TNRC6A: variants seen among roughly 807,000 people sequenced by gnomAD.
The protein encoded by TNRC6A is trinucleotide repeat containing adaptor 6A.
TNRC6A carries 44 observed loss-of-function variants against 221.2 expected under a neutral mutation model. The ratio of observed to expected loss-of-function variants is 0.20; its 90% CI spans 0.16 to 0.26. The LOEUF (loss-of-function observed/expected upper bound fraction) is 0.26. Ranked by LOEUF, TNRC6A falls within the 10% of genes least tolerant of loss-of-function variation. The pLI, the probability that TNRC6A is intolerant of heterozygous loss-of-function variation, is 1.00. For missense variants in TNRC6A, 2,199 were observed against 2,404.4 expected, an observed-to-expected ratio of 0.91 and a Z score of 1.79; for synonymous variants, 847 against 838.5, an observed-to-expected ratio of 1.01 and a Z score of -0.18.
chr16:24,632,126 C>T (rs1160400561), intron 1 of TNRC6A, among the ~76,000 whole-genome samples: 1 of 152,164 alleles, frequency 6.6e-6, no homozygotes, highest in Non-Finnish European at 1.5e-5. Context: ...GCTGGGATTA[C>T]AGGTGTGAGC....
intron 2 of TNRC6A, among the ~76,000 whole-genome samples, chr16:24,642,475 G>T (rs184704638): frequency 6.6e-6 from 1 of 152,248 alleles, no homozygotes; most frequent in African/African-American, 2.4e-5. Context: ...AAAGGCACAG[G>T]AGGGGAAAAG....
chr16:24,808,285 A>AG (rs2058475083), intron 17 of TNRC6A, among the ~76,000 whole-genome samples: 1 of 152,226 alleles, frequency 6.6e-6, no homozygotes, highest in South Asian at 2.1e-4. Flanking sequence ...CTTCTCAGTG[A>AG]GGGATACTTC....
chr16:24,658,114 GA>G (rs2054956570), intron 2 of TNRC6A, among the ~76,000 whole-genome samples: 1 of 152,152 alleles, frequency 6.6e-6, no homozygotes, highest in Admixed American at 6.6e-5. Flanking sequence ...TGGCTATTTG[GA>G]AGACTTTATC....
intron 4 of TNRC6A, among the ~76,000 whole-genome samples, chr16:24,769,060 T>C (rs1291621146): frequency 6.6e-6 from 1 of 152,222 alleles, no homozygotes; most frequent in Non-Finnish European, 1.5e-5. Context: ...ATTAAAATGG[T>C]ATTACAAATT....
chr16:24,669,320 C>T (rs1479812309), intron 2 of TNRC6A, among the ~76,000 whole-genome samples: 2 of 152,000 alleles, frequency 1.3e-5, no homozygotes, highest in Non-Finnish European at 2.9e-5. Context: ...GCAACATAGT[C>T]TCTACAAAAA....
chr16:24,767,784 T>C (rs984888526), intron 4 of TNRC6A, among the ~76,000 whole-genome samples: 1 of 152,184 alleles, frequency 6.6e-6, no homozygotes, highest in Non-Finnish European at 1.5e-5. Context: ...TTAATGACAG[T>C]TTCTTTATTA....
At chr16:24,706,378 G>A (rs1239702706) in intron 2 of TNRC6A, among the ~76,000 whole-genome samples, 2 of 152,090 alleles carry the variant, frequency 1.3e-5, no homozygotes, top group African/African-American at 4.8e-5. Context: ...ACCCTCCTAG[G>A]TATTGAAGCA....
chr16:24,683,689 G>A (rs2055575606), intron 2 of TNRC6A, among the ~76,000 whole-genome samples: 1 of 152,182 alleles, frequency 6.6e-6, no homozygotes. Context: ...GACTAGCTGT[G>A]CAACCTTGGG....
At chr16:24,658,338 CCTCCACT>C (rs1454767499) in intron 2 of TNRC6A, among the ~76,000 whole-genome samples, 1 of 152,056 alleles carries the variant, frequency 6.6e-6, no homozygotes, top group Non-Finnish European at 1.5e-5. Context: ...TATGATATTT[CCTCCACT>C]CTGTTTCTTT....
At chr16:24,815,455 T>A in intron 19 of TNRC6A, 150 bp downstream of exon 19, 1 of 920,160 alleles carries the variant, frequency 1.1e-6, no homozygotes, top group Non-Finnish European at 1.7e-6. Flanking sequence ...GAGGAAAAGT[T>A]AAGCATGAAG....
At chr16:24,695,790 T>C (rs1182691644) in intron 2 of TNRC6A, among the ~76,000 whole-genome samples, 1 of 152,148 alleles carries the variant, frequency 6.6e-6, no homozygotes, top group African/African-American at 2.4e-5. Flanking sequence ...AAACACGGGA[T>C]TGAGTCTTTT....
chr16:24,693,535 C>T (rs536016612), intron 2 of TNRC6A, among the ~76,000 whole-genome samples: 140 of 152,206 alleles, frequency 9.2e-4, no homozygotes, highest in African/African-American at 3.2e-3. Flanking sequence ...TTGCAGTGAG[C>T]CGAGATCGCG....
At chr16:24,814,846 T>C (rs936588427) in intron 18 of TNRC6A, among the ~76,000 whole-genome samples, 2 of 152,250 alleles carry the variant, frequency 1.3e-5, no homozygotes, top group African/African-American at 4.8e-5. Flanking sequence ...AAAGAACCCC[T>C]GAGCTATCAT....
intron 6 of TNRC6A, 130 bp from the exon 7 acceptor site, chr16:24,793,343 C>A: frequency 2.0e-6 from 1 of 507,794 alleles, no homozygotes; most frequent in Non-Finnish European, 3.3e-6. Flanking sequence ...TTGCCTATCA[C>A]AGTATCATTA....
intron 17 of TNRC6A, among the ~76,000 whole-genome samples, chr16:24,807,214 G>T (rs2058452802): frequency 6.6e-6 from 1 of 152,014 alleles, no homozygotes; most frequent in African/African-American, 2.4e-5. Context: ...CATGTTGGCC[G>T]GGTGGGTCTG....
chr16:24,688,253 T>C (rs1171422419), intron 2 of TNRC6A, among the ~76,000 whole-genome samples: 1 of 152,088 alleles, frequency 6.6e-6, no homozygotes, highest in Non-Finnish European at 1.5e-5. Context: ...CATGCTTCTT[T>C]TCTTAGCTAG....
At position 24,795,835 on chromosome 16, in the gene TNRC6A, G is replaced by C. The variant is rs572709196; in HGVS notation, c.3529-72G>C. 1.1e-5 allele frequency: 15 copies of C among 1,426,026 alleles called. No homozygotes were observed. The East Asian group carries it at 3.6e-4, about 34-fold the overall frequency. The allele number at this position is 1,426,026 out of a possible 1,614,324, so 88.3% of individuals were successfully genotyped here. A position where few individuals can be genotyped will look rare whatever the true frequency, so the allele number is the denominator to read the frequency against. ...GCGACAGAGTAAGGACTTAAGTTTA[G>C]GTCTTCCAGTTCCAAACCCCATGTT... On this transcript the variant is annotated intron_variant, in intron 8 of 24. Transcript: ENST00000395799.
chr16:24,820,950 A>G (rs966436613), intron 22 of TNRC6A, among the ~76,000 whole-genome samples: 1 of 152,208 alleles, frequency 6.6e-6, no homozygotes, highest in Non-Finnish European at 1.5e-5. Flanking sequence ...CAGTAAATAC[A>G]GTCTTATCCT....
At chr16:24,794,745 T>G in intron 8 of TNRC6A, 26 bp downstream of exon 8, 1 of 1,576,698 alleles carries the variant, frequency 6.3e-7, no homozygotes, top group Admixed American at 2.0e-5. Context: ...GCAAAGCCCT[T>G]GAAACTTTAA....
Sources: allele counts gnomAD v4.1 joint callset (sites outside exome capture counted in the v4.1 genomes callset), GRCh38; gene constraint gnomAD v4.1.1; transcripts MANE v1.5; gene names NCBI Gene and HGNC (gene_info 2026-07-23, HGNC 2026-07-21).